Variants in BAZ1A observed in about 807,000 individuals in gnomAD.
The protein encoded by BAZ1A is bromodomain adjacent to zinc finger domain protein 1A.
In BAZ1A, 50 loss-of-function variants were observed where a neutral mutation model predicts 185.2. The observed-to-expected ratio is 0.27, with a 90% CI of 0.22 to 0.34. The LOEUF (loss-of-function observed/expected upper bound fraction) is 0.34, where lower values mean the gene tolerates loss of function less well. Among genes scored for constraint, BAZ1A ranks in the 10% least tolerant of loss-of-function variants. BAZ1A has a pLI of 1.00. For missense variants in BAZ1A, 1,356 were observed against 1,839.9 expected, an observed-to-expected ratio of 0.74 and a Z score of 4.81; for synonymous variants, 571 against 615.6, an observed-to-expected ratio of 0.93 and a Z score of 1.07.
chr14:34,872,354 T>C (rs1034759611), intron 2 of BAZ1A, among the ~76,000 whole-genome samples: 10 of 152,208 alleles, frequency 6.6e-5, no homozygotes, highest in African/African-American at 2.4e-4. Flanking sequence ...TCTAGCACTT[T>C]GGGAGACCAA....
chr14:34,832,215 C>CACACACACACACACACACACATATAT, intron 3 of BAZ1A, among the ~76,000 whole-genome samples: 11 of 89,712 alleles, frequency 1.2e-4, no homozygotes, highest in Non-Finnish European at 1.6e-4. Context: ...CACACACACA[C>CACACACACACACACACACACATATAT]ATATATATAT....
At chr14:34,822,185 C>T (rs2042099727) in intron 4 of BAZ1A, among the ~76,000 whole-genome samples, 1 of 152,112 alleles carries the variant, frequency 6.6e-6, no homozygotes, top group Admixed American at 6.5e-5. Context: ...ATCCCAGCTA[C>T]TTGGGAGGCT....
chr14:34,856,640 C>T (rs2042683258), intron 3 of BAZ1A, among the ~76,000 whole-genome samples: 1 of 151,806 alleles, frequency 6.6e-6, no homozygotes, highest in Admixed American at 6.6e-5. Context: ...GGTGGATCAC[C>T]TGAGGTCAGG....
At chr14:34,852,084 G>A (rs1218786251) in intron 3 of BAZ1A, among the ~76,000 whole-genome samples, 3 of 151,752 alleles carry the variant, frequency 2.0e-5, no homozygotes, top group Admixed American at 6.6e-5. Context: ...CTGAGATCGT[G>A]CCACTGCACT....
intron 2 of BAZ1A, among the ~76,000 whole-genome samples, chr14:34,870,208 T>A (rs2042928968): frequency 6.6e-6 from 1 of 152,164 alleles, no homozygotes; most frequent in Non-Finnish European, 1.5e-5. Flanking sequence ...TGAAACTAAG[T>A]ACGTGTCTGC....
At chr14:34,766,976 C>A (rs1173302344) in intron 21 of BAZ1A, among the ~76,000 whole-genome samples, 1 of 152,126 alleles carries the variant, frequency 6.6e-6, no homozygotes, top group Non-Finnish European at 1.5e-5. Context: ...TGAAAAAGAT[C>A]CAGTTAGAAC....
At position 34,753,363 on chromosome 14, in the gene BAZ1A, G is replaced by C; in HGVS notation, c.*145C>G. The C allele has an allele frequency of 2.6e-6, 2 of 758,900 alleles. No individual in the cohort carries two copies. Among genetic ancestry groups the C allele is most frequent in the East Asian group, 2.7e-5 (1 of 36,914 alleles). 47.0% of individuals were successfully genotyped at this position (758,900 alleles called of 1,614,324 possible). A position where few individuals can be genotyped will look rare whatever the true frequency, so the allele number is the denominator to read the frequency against. On this transcript the variant is annotated 3_prime_UTR_variant, in exon 27 of 27. Coordinates refer to ENST00000360310, the MANE Select transcript of BAZ1A (RefSeq NM_013448.3). ...GGATATCTTTCCTACATTCTCCTGAGTGCTTAATATTAAAATTGAGAATAT... is the reference window on the plus strand; with the variant it reads ...GGATATCTTTCCTACATTCTCCTGACTGCTTAATATTAAAATTGAGAATAT...
intron 17 of BAZ1A, 75 bp downstream of exon 17, chr14:34,780,111 G>A: frequency 6.5e-7 from 1 of 1,549,356 alleles, no homozygotes; most frequent in Non-Finnish European, 8.8e-7. Context: ...ATATTTCAGA[G>A]GAGCTGAATT....
At chr14:34,774,613 A>G in intron 18 of BAZ1A, 123 bp from the exon 19 acceptor site, 1 of 751,836 alleles carries the variant, frequency 1.3e-6, no homozygotes. Context: ...CAAGTGCCAC[A>G]AATGAATGAA....
In BAZ1A at chr14:34,871,367, C is replaced by A. The variant is rs529190810; in HGVS notation, c.113+3125G>T. ...GCCACCGCATGCAGCCAGAATAAATCGTATTTAAGAGACTACATTATGCAC... is the reference window on the plus strand; with the variant it reads ...GCCACCGCATGCAGCCAGAATAAATAGTATTTAAGAGACTACATTATGCAC... On this transcript the variant is annotated intron_variant, in intron 2 of 26. Transcript: ENST00000360310. Among the ~76,000 whole-genome samples the A allele has an allele frequency of 2.6e-5, 4 of 152,188 alleles. No homozygotes were observed. The East Asian group carries it at 5.8e-4, about 22-fold the overall frequency.
chr14:34,857,930 C>T (rs2042708255), intron 3 of BAZ1A, among the ~76,000 whole-genome samples: 1 of 152,220 alleles, frequency 6.6e-6, no homozygotes, highest in Admixed American at 6.5e-5. Context: ...TCCCCTCACT[C>T]TCTACCATAC....
At chr14:34,850,156 C>T (rs368410293) in intron 3 of BAZ1A, among the ~76,000 whole-genome samples, 1 of 152,024 alleles carries the variant, frequency 6.6e-6, no homozygotes, top group African/African-American at 2.4e-5. Flanking sequence ...GAGGCTGGCA[C>T]TGCTTGAGCC....
At chr14:34,861,834 G>A (rs899058983) in intron 3 of BAZ1A, among the ~76,000 whole-genome samples, 2 of 152,068 alleles carry the variant, frequency 1.3e-5, no homozygotes, top group African/African-American at 2.4e-5. Flanking sequence ...ACATACAGAC[G>A]CATGCACGTA....
chr14:34,773,916 A>C (rs1299224299), intron 19 of BAZ1A, among the ~76,000 whole-genome samples, 190 bp from the exon 20 acceptor site: 1 of 152,258 alleles, frequency 6.6e-6, no homozygotes, highest in Non-Finnish European at 1.5e-5. Context: ...TGAAAACCAT[A>C]ATGCCTTACT....
In BAZ1A at chr14:34,763,441, G is replaced by A. The variant is rs907015384; in HGVS notation, c.3777-1218C>T. ...ATGTTTAAAAAAAAAAAAAAAAGCC[G>A]GGGGGAGGGGGATGATAAGAACAAG... On this transcript the variant is annotated intron_variant, in intron 23 of 26. Coordinates refer to ENST00000360310, the MANE Select transcript of BAZ1A (RefSeq NM_013448.3). Among the ~76,000 whole-genome samples the A allele has an allele frequency of 6.0e-5, 9 of 150,874 alleles. No individual in the cohort carries two copies. In the South Asian group the frequency reaches 6.3e-4, roughly 10 times the overall value.
At chr14:34,819,458 A>G (rs1037919176) in intron 4 of BAZ1A, among the ~76,000 whole-genome samples, 2 of 152,188 alleles carry the variant, frequency 1.3e-5, no homozygotes, top group Non-Finnish European at 2.9e-5. Flanking sequence ...ATAAGTATGT[A>G]GACTTTTCAG....
intron 21 of BAZ1A, among the ~76,000 whole-genome samples, chr14:34,766,778 A>G (rs1878872847): frequency 6.6e-6 from 1 of 152,240 alleles, no homozygotes; most frequent in South Asian, 2.1e-4. Context: ...CTCTCTGAAA[A>G]GATTTTCACA....
chr14:34,766,091 A>G (rs1252893700), intron 21 of BAZ1A, among the ~76,000 whole-genome samples: 1 of 152,212 alleles, frequency 6.6e-6, no homozygotes, highest in Non-Finnish European at 1.5e-5. Flanking sequence ...TGAGGTGAGT[A>G]CTGGCTCCCC....
chr14:34,779,677 G>A (rs948504991), intron 17 of BAZ1A, among the ~76,000 whole-genome samples: 2 of 152,158 alleles, frequency 1.3e-5, no homozygotes, highest in East Asian at 1.9e-4. Context: ...TTTAAAAGAT[G>A]TATTTGCTTT....
Sources: gnomAD v4.1 joint callset for allele counts (sites outside exome capture counted in the v4.1 genomes callset) on GRCh38, gnomAD v4.1.1 for gene constraint, MANE v1.5 for transcripts, NCBI Gene and HGNC (gene_info 2026-07-23, HGNC 2026-07-21) for gene names.